LTBP1: variants seen among roughly 807,000 people sequenced by gnomAD.
LTBP1 encodes latent-transforming growth factor beta-binding protein 1.
Under a neutral mutation model 207.6 loss-of-function variants are expected in LTBP1, and 129 were observed. The observed-to-expected ratio is 0.62, with a 90% CI of 0.54 to 0.72. LTBP1 has a LOEUF of 0.72. LTBP1 is among the 30% of genes least tolerant of loss of function. The pLI, the probability that LTBP1 is intolerant of heterozygous loss-of-function variation, is 0.00. For missense variants in LTBP1, 2,281 were observed against 2,217.2 expected, an observed-to-expected ratio of 1.03 and a Z score of -0.58; for synonymous variants, 963 against 833.7, an observed-to-expected ratio of 1.16 and a Z score of -2.67.
chr2:33,352,774 G>A (rs2094799550), intron 26 of LTBP1, among the ~76,000 whole-genome samples: 1 of 152,142 alleles, frequency 6.6e-6, no homozygotes, highest in South Asian at 2.1e-4. Flanking sequence ...AAGTCCAAAT[G>A]CATTAGCAGG....
At chr2:33,047,324 C>T (rs1183507521) in intron 3 of LTBP1, among the ~76,000 whole-genome samples, 1 of 152,168 alleles carries the variant, frequency 6.6e-6, no homozygotes, top group Non-Finnish European at 1.5e-5. Context: ...TCTTTGTTCT[C>T]ATTGGTTTCA....
chr2:33,254,046 C>T (rs891988383), intron 11 of LTBP1, among the ~76,000 whole-genome samples: 3 of 151,792 alleles, frequency 2.0e-5, no homozygotes, highest in Non-Finnish European at 2.9e-5. Flanking sequence ...CCCACCACCA[C>T]GCCTGGCTAA....
intron 5 of LTBP1, among the ~76,000 whole-genome samples, chr2:33,157,168 G>A (rs969066479): frequency 2.6e-5 from 4 of 152,288 alleles, no homozygotes; most frequent in African/African-American, 9.6e-5. Context: ...GCTGAAAATC[G>A]TGTAAGTCAA....
intron 2 of LTBP1, among the ~76,000 whole-genome samples, chr2:32,963,710 C>T (rs911097731): frequency 6.6e-6 from 1 of 152,094 alleles, no homozygotes; most frequent in Non-Finnish European, 1.5e-5. Flanking sequence ...GGTGTGGTTC[C>T]AGGACCTCCT....
chr2:33,185,915 T>C (rs905975195), intron 5 of LTBP1, among the ~76,000 whole-genome samples: 3 of 152,218 alleles, frequency 2.0e-5, no homozygotes, highest in Non-Finnish European at 4.4e-5. Context: ...TATAATATTC[T>C]TCAAGCTGCT....
At chr2:32,984,069 G>A (rs1572938749) in intron 2 of LTBP1, among the ~76,000 whole-genome samples, 1 of 152,156 alleles carries the variant, frequency 6.6e-6, no homozygotes, top group South Asian at 2.1e-4. Flanking sequence ...CATTTGTAAT[G>A]TTTTCAACTT....
rs2094720313 is a variant in LTBP1, at chr2:33,347,516, T to G, written c.4000+6T>G. 2 of 1,614,006 alleles carry G rather than the reference T, an allele frequency of 1.2e-6. No homozygotes were observed. The highest frequency in any genetic ancestry group is 1.3e-5 in the African/African-American group (1 of 75,042). ...CCGCTCCCGGACCTCCACAGGTAAG[T>G]CCCAGTGACACTGTGCAAGGGAATG... On this transcript the variant is annotated splice_donor_region_variant and intron_variant, in intron 26 of 33. Coordinates refer to ENST00000404816, the MANE Select transcript of LTBP1 (RefSeq NM_206943.4).
At chr2:33,103,633 T>TGTGTGTGTG (rs780868356) in intron 3 of LTBP1, among the ~76,000 whole-genome samples, 1,584 of 122,998 alleles carry the variant, frequency 0.013, 20 homozygotes, top group Non-Finnish European at 0.017. Context: ...GTGTGAGTGT[T>TGTGTGTGTG]ATGCTGCCAT....
intron 2 of LTBP1, among the ~76,000 whole-genome samples, chr2:32,977,828 G>A (rs151067885): frequency 3.9e-5 from 6 of 152,238 alleles, no homozygotes; most frequent in African/African-American, 1.2e-4. Context: ...GATGGATCCC[G>A]GAGTAGTTTC....
At chr2:33,177,026 A>C (rs2086132651) in intron 5 of LTBP1, among the ~76,000 whole-genome samples, 1 of 152,190 alleles carries the variant, frequency 6.6e-6, no homozygotes, top group Non-Finnish European at 1.5e-5. Flanking sequence ...TTCTCATTTT[A>C]CAGGTGAAGA....
chr2:33,003,364 C>G (rs1686326134), intron 2 of LTBP1, among the ~76,000 whole-genome samples: 1 of 152,178 alleles, frequency 6.6e-6, no homozygotes, highest in Non-Finnish European at 1.5e-5. Context: ...TCAACCATCC[C>G]CAATTTATAG....
At chr2:32,998,256 G>A (rs907821843) in intron 2 of LTBP1, among the ~76,000 whole-genome samples, 7 of 152,108 alleles carry the variant, frequency 4.6e-5, no homozygotes, top group South Asian at 4.2e-4. Context: ...GGTGGCTCAC[G>A]CCTGTAATCC....
chr2:33,142,890 C>T (rs950574056), intron 5 of LTBP1, among the ~76,000 whole-genome samples: 1 of 152,202 alleles, frequency 6.6e-6, no homozygotes, highest in African/African-American at 2.4e-5. Context: ...GGGTCTGTAA[C>T]ACAATGTCAC....
intron 3 of LTBP1, among the ~76,000 whole-genome samples, chr2:33,105,870 C>A (rs2080036937): frequency 6.6e-6 from 1 of 152,102 alleles, no homozygotes; most frequent in Admixed American, 6.6e-5. Flanking sequence ...TTGACTTTTC[C>A]TTTCATGAAA....
chr2:33,232,988 TCTC>T (rs1400743222), intron 9 of LTBP1, among the ~76,000 whole-genome samples: 1 of 152,160 alleles, frequency 6.6e-6, no homozygotes, highest in Non-Finnish European at 1.5e-5. Context: ...TTTGAGATAA[TCTC>T]CTAATTCTTT....
intron 20 of LTBP1, among the ~76,000 whole-genome samples, chr2:33,296,734 G>GT (rs923454797): frequency 1.2e-4 from 18 of 151,918 alleles, no homozygotes; most frequent in Middle Eastern, 3.4e-3. Flanking sequence ...ATTTAGTTTT[G>GT]TTTTTTTAAA....
At chr2:33,389,447 G>A in intron 32 of LTBP1, 141 bp downstream of exon 32, 1 of 1,146,886 alleles carries the variant, frequency 8.7e-7, no homozygotes, top group Non-Finnish European at 1.2e-6. Flanking sequence ...GTCTAGGGTG[G>A]GACCCAGCCA....
At chr2:33,018,427 A>G (rs1406821883) in intron 2 of LTBP1, among the ~76,000 whole-genome samples, 1 of 152,080 alleles carries the variant, frequency 6.6e-6, no homozygotes, top group Non-Finnish European at 1.5e-5. Flanking sequence ...AAAAAGAAAC[A>G]TGTTTCTAAT....
Position 33,309,415 on chromosome 2 carries a change from T to G in LTBP1, c.3482-19T>G, listed in dbSNP as rs775088518. 58 of 1,574,364 alleles carry G rather than the reference T, an allele frequency of 3.7e-5. No individual in the cohort carries two copies. In the Admixed American group the frequency reaches 1.1e-3, roughly 30 times the overall value. Reference sequence around the variant, plus strand: ...ATGTGATTTATTTAGTCTTTAAAAATTTTTAAATTGGTTTTTAGATATCAA... The same window carrying G: ...ATGTGATTTATTTAGTCTTTAAAAAGTTTTAAATTGGTTTTTAGATATCAA... On this transcript the variant is annotated intron_variant, in intron 22 of 33. Coordinates refer to ENST00000404816, the MANE Select transcript of LTBP1 (RefSeq NM_206943.4).
Sources: gnomAD v4.1 joint callset for allele counts (sites outside exome capture counted in the v4.1 genomes callset) on GRCh38, gnomAD v4.1.1 for gene constraint, MANE v1.5 for transcripts, NCBI Gene and HGNC (gene_info 2026-07-23, HGNC 2026-07-21) for gene names.